The following RBFOX1 variants were observed in gnomAD, a reference collection of about 807,000 sequenced individuals.
RBFOX1 encodes RNA binding protein fox-1 homolog 1.
In RBFOX1, 8 loss-of-function variants were observed where a neutral mutation model predicts 57.7. That is an observed-to-expected ratio of 0.14 (90% confidence interval 0.08 to 0.25). The LOEUF (loss-of-function observed/expected upper bound fraction) is 0.25, where lower values mean the gene tolerates loss of function less well. RBFOX1 is among the 10% of genes least tolerant of loss of function. The pLI, the probability that RBFOX1 is intolerant of heterozygous loss-of-function variation, is 1.00. For synonymous variants in RBFOX1, 326 were observed against 222.4 expected (o/e 1.47, Z -4.15); for missense variants, 611 against 548.5 (o/e 1.11, Z -1.14).
chr16:6,971,382 G>C (rs2085505123), intron 3 of RBFOX1, among the ~76,000 whole-genome samples: 1 of 152,098 alleles, frequency 6.6e-6, no homozygotes, highest in African/African-American at 2.4e-5. Flanking sequence ...AAAGTGGGGA[G>C]TGTGTTTGCT....
Position 5,776,629 on chromosome 16 carries a change from A to G in RBFOX1, c.319-90674A>G, listed in dbSNP as rs141657353. On this transcript the variant is annotated intron_variant, in intron 3 of 19. Transcript: ENST00000641259. The stretch of plus-strand genomic sequence containing the variant: ...GTGGCATTGTCCACAGTGAGCCTTC[A>G]TCATAAAGCAATGGTGTGGGTGTTA... 9.0e-3 allele frequency among the ~76,000 whole-genome samples: 1,365 copies of G among 152,372 alleles called. 5 individuals carry two copies. The highest frequency in any genetic ancestry group is 0.014 in the Middle Eastern group (4 of 294).
intron 3 of RBFOX1, among the ~76,000 whole-genome samples, chr16:5,765,725 G>T (rs1017884313): frequency 6.6e-6 from 1 of 152,196 alleles, no homozygotes; most frequent in African/African-American, 2.4e-5. Context: ...TTCAAAATCA[G>T]CCAGTGAAGC....
chr16:5,803,558 G>C (rs2055128476), intron 3 of RBFOX1, among the ~76,000 whole-genome samples: 1 of 152,140 alleles, frequency 6.6e-6, no homozygotes, highest in Non-Finnish European at 1.5e-5. Context: ...GCATATGTAT[G>C]GTGCCTGTCA....
chr16:6,902,952 G>C (rs1343328726), intron 3 of RBFOX1, among the ~76,000 whole-genome samples: 1 of 152,166 alleles, frequency 6.6e-6, no homozygotes, highest in Non-Finnish European at 1.5e-5. Context: ...GCTTACAAGG[G>C]AGCAGAGAAG....
rs933216614 is a variant in RBFOX1 at position 6,792,898 on chromosome 16, C to T, written c.-16+138248C>T. Among the ~76,000 whole-genome samples the T allele has an allele frequency of 7.9e-5, 12 of 151,902 alleles. No homozygotes were observed. The East Asian group carries it at 9.7e-4, about 12-fold the overall frequency. On this transcript the variant is annotated intron_variant, in intron 3 of 15. Coordinates refer to ENST00000550418, the MANE Select transcript of RBFOX1 (RefSeq NM_018723.4). The stretch of plus-strand genomic sequence containing the variant: ...ACAAAAAATTAGCTGGGTGTGATGG[C>T]GGGCACCTGTAATCCAAGCTACTAG...
intron 1 of RBFOX1, among the ~76,000 whole-genome samples, chr16:6,127,740 G>A (rs1330982656): frequency 6.6e-6 from 1 of 152,062 alleles, no homozygotes; most frequent in Non-Finnish European, 1.5e-5. Flanking sequence ...TCAACACTCC[G>A]GGAAAAATGG....
At chr16:5,911,269 G>A (rs1335178422) in intron 4 of RBFOX1, among the ~76,000 whole-genome samples, 2 of 152,110 alleles carry the variant, frequency 1.3e-5, no homozygotes, top group Admixed American at 6.5e-5. Flanking sequence ...CCAGAAAAAC[G>A]TCCATCATCT....
At chr16:5,327,976 A>G (rs2064632852) in intron 1 of RBFOX1, among the ~76,000 whole-genome samples, 1 of 152,170 alleles carries the variant, frequency 6.6e-6, no homozygotes, top group African/African-American at 2.4e-5. Flanking sequence ...GAATCCCAGG[A>G]GAAAAGGAGA....
chr16:7,517,528 T>A (rs111666601), intron 4 of RBFOX1, among the ~76,000 whole-genome samples: 6,067 of 113,156 alleles, frequency 0.054, 418 homozygotes, highest in African/African-American at 0.18. Context: ...ACTGGGGACA[T>A]CATACACGCA....
chr16:5,361,848 C>G (rs541424780), intron 1 of RBFOX1, among the ~76,000 whole-genome samples: 5 of 152,218 alleles, frequency 3.3e-5, no homozygotes, highest in Non-Finnish European at 5.9e-5. Context: ...ACTTCTGAGG[C>G]TAGCCTATGG....
chr16:7,291,909 TATATATA>T (rs1394528357), intron 4 of RBFOX1, among the ~76,000 whole-genome samples: 1 of 82,222 alleles, frequency 1.2e-5, no homozygotes, highest in African/African-American at 4.4e-5. Context: ...TATAATGTAT[TATATATA>T]ATATATAATG....
intron 2 of RBFOX1, among the ~76,000 whole-genome samples, chr16:6,564,462 A>G (rs1402516029): frequency 2.0e-5 from 2 of 102,544 alleles, no homozygotes; most frequent in African/African-American, 3.4e-5. Context: ...TCTGTCTCAA[A>G]AACAAACAAA....
chr16:5,766,147 T>C (rs1473118325), intron 3 of RBFOX1, among the ~76,000 whole-genome samples: 1 of 152,194 alleles, frequency 6.6e-6, no homozygotes, highest in Non-Finnish European at 1.5e-5. Flanking sequence ...CCATCATAGA[T>C]ATTCATGGTA....
intron 4 of RBFOX1, among the ~76,000 whole-genome samples, chr16:7,454,823 A>C (rs973403989): frequency 6.6e-6 from 1 of 152,204 alleles, no homozygotes; most frequent in Admixed American, 6.5e-5. Context: ...GGTCCTGGGG[A>C]AGTCCTCAGG....
At chr16:7,017,179 C>T (rs567068129) in intron 3 of RBFOX1, among the ~76,000 whole-genome samples, 24 of 152,264 alleles carry the variant, frequency 1.6e-4, no homozygotes, top group African/African-American at 5.8e-4. Context: ...GCCAGCAAAT[C>T]GTATCTGCTT....
intron 1 of RBFOX1, among the ~76,000 whole-genome samples, chr16:6,128,777 G>T (rs970982447): frequency 6.6e-6 from 1 of 152,184 alleles, no homozygotes; most frequent in African/African-American, 2.4e-5. Flanking sequence ...TGAGCTAGAT[G>T]GTAAAACAAG....
intron 2 of RBFOX1, among the ~76,000 whole-genome samples, chr16:6,490,765 G>A (rs1367143929): frequency 6.6e-6 from 1 of 152,188 alleles, no homozygotes; most frequent in Non-Finnish European, 1.5e-5. Flanking sequence ...TAGGAACTGG[G>A]CTGGAAGTGG....
intron 4 of RBFOX1, among the ~76,000 whole-genome samples, chr16:7,303,417 A>G (rs1363945061): frequency 2.0e-5 from 3 of 152,130 alleles, no homozygotes; most frequent in Non-Finnish European, 4.4e-5. Context: ...ACGCACCGCC[A>G]CCAACATCTA....
intron 1 of RBFOX1, among the ~76,000 whole-genome samples, chr16:5,393,249 C>T (rs1596819342): frequency 6.6e-6 from 1 of 152,114 alleles, no homozygotes; most frequent in African/African-American, 2.4e-5. Flanking sequence ...ACACGGTGCC[C>T]TGTAAAACTT....
Sources: allele counts gnomAD v4.1 joint callset (sites outside exome capture counted in the v4.1 genomes callset), GRCh38; gene constraint gnomAD v4.1.1; transcripts MANE v1.5; gene names NCBI Gene and HGNC (gene_info 2026-07-23, HGNC 2026-07-21).